The following MYO16 variants were observed in gnomAD, a reference collection of about 807,000 sequenced individuals.
The protein encoded by MYO16 is myosin XVI.
Under a neutral mutation model 205.3 loss-of-function variants are expected in MYO16, and 94 were observed. The ratio of observed to expected loss-of-function variants is 0.46; its 90% CI spans 0.39 to 0.54. The LOEUF (loss-of-function observed/expected upper bound fraction) is 0.54, where lower values mean the gene tolerates loss of function less well. Among genes scored for constraint, MYO16 ranks in the 20% least tolerant of loss-of-function variants. The pLI, the probability that MYO16 is intolerant of heterozygous loss-of-function variation, is 0.00. For missense variants in MYO16, 2,315 were observed against 2,387.5 expected (o/e 0.97, Z 0.63); for synonymous variants, 988 against 954.0 (o/e 1.04, Z -0.66).
chr13:108,679,741 T>A (rs962944163), intron 2 of MYO16, among the ~76,000 whole-genome samples: 17 of 150,230 alleles, frequency 1.1e-4, no homozygotes, highest in African/African-American at 2.9e-4. Context: ...ATAATAATAA[T>A]AAATAAAAAT....
At chr13:108,510,472 T>G in the MYO16 span, among the ~76,000 whole-genome samples, 1 of 131,502 alleles carries the variant, frequency 7.6e-6, no homozygotes, top group Non-Finnish European at 1.6e-5. Flanking sequence ...TTTTTTTTTT[T>G]TTTTTTTTTT....
chr13:109,031,996 C>G (rs764779468), intron 23 of MYO16, among the ~76,000 whole-genome samples: 2 of 152,146 alleles, frequency 1.3e-5, no homozygotes, highest in Non-Finnish European at 2.9e-5. Context: ...TGCTTTGCCT[C>G]TACTGATGTG....
intron 4 of MYO16, among the ~76,000 whole-genome samples, chr13:108,770,274 AC>A (rs1885918465): frequency 1.3e-5 from 2 of 152,328 alleles, no homozygotes; most frequent in South Asian, 4.1e-4. Context: ...AATAGTATTT[AC>A]CTTTGGAGAG....
chr13:109,066,266 A>G (rs1486630215), intron 27 of MYO16, among the ~76,000 whole-genome samples: 1 of 152,212 alleles, frequency 6.6e-6, no homozygotes, highest in Non-Finnish European at 1.5e-5. Flanking sequence ...TGGAGATGCC[A>G]ACTACTGTCA....
chr13:108,897,925 A>G, intron 14 of MYO16, 91 bp from the exon 15 acceptor site: 1 of 1,024,140 alleles, frequency 9.8e-7, no homozygotes, highest in Non-Finnish European at 1.5e-6. Flanking sequence ...TTTCAGACCA[A>G]GAAGTATTAT....
chr13:108,984,320 T>C (rs1487695214), intron 20 of MYO16, among the ~76,000 whole-genome samples: 1 of 152,138 alleles, frequency 6.6e-6, no homozygotes, highest in Non-Finnish European at 1.5e-5. Flanking sequence ...AGCTTGCCTC[T>C]CCCAGTGCAT....
chr13:108,871,084 C>T (rs1437217570), intron 12 of MYO16, among the ~76,000 whole-genome samples: 2 of 151,988 alleles, frequency 1.3e-5, no homozygotes, highest in Non-Finnish European at 2.9e-5. Flanking sequence ...AATTGCTTGG[C>T]CATATTTTAA....
chr13:108,582,367 G>T, the MYO16 span, among the ~76,000 whole-genome samples: 1 of 152,082 alleles, frequency 6.6e-6, no homozygotes, highest in East Asian at 1.9e-4. Context: ...CGTTCCATAT[G>T]ACACTCTCTC....
intron 27 of MYO16, among the ~76,000 whole-genome samples, chr13:109,068,589 A>ATTTT (rs35068937): frequency 7.6e-6 from 1 of 132,398 alleles, no homozygotes; most frequent in East Asian, 2.2e-4. Flanking sequence ...TAAGCCATGA[A>ATTTT]TTTTTTTTTT....
chr13:109,120,287 A>G (rs1475400362), intron 28 of MYO16, 83 bp from the exon 29 acceptor site: 5 of 976,014 alleles, frequency 5.1e-6, no homozygotes, highest in Non-Finnish European at 7.7e-6. Context: ...CCTCTGCTGG[A>G]AAAATATTTT....
Position 109,052,446 on chromosome 13 carries a change from G to A in MYO16, c.3019G>A (p.Glu1007Lys). The A allele has an allele frequency of 6.2e-7, 1 of 1,610,328 alleles. No homozygotes were observed. The highest frequency in any genetic ancestry group is 8.5e-7 in the Non-Finnish European group (1 of 1,177,582). The change falls in exon 25 of 35, where the codon GAA becomes AAA. Residue 1007 changes from glutamate (E) to lysine (K), a missense_variant. Physicochemically the swap from Glu to Lys is moderately conservative, Grantham distance 56. Transcript: ENST00000457511. ...AATGACAGCTTCTTCAATTATTGGA[G>A]AAAACAAGAATTATCTAGAACTTAG... ...KKMTASSIIG[E>K]NKNYLELSKL...
intron 32 of MYO16, among the ~76,000 whole-genome samples, chr13:109,155,809 A>C (rs1461801033): frequency 1.3e-5 from 2 of 151,832 alleles, no homozygotes; most frequent in Admixed American, 6.6e-5. Flanking sequence ...AGCAGTCTCC[A>C]CTCTCCTCAC....
chr13:108,921,557 C>CA (rs1364035033), intron 16 of MYO16, among the ~76,000 whole-genome samples: 1 of 152,150 alleles, frequency 6.6e-6, no homozygotes, highest in Non-Finnish European at 1.5e-5. Context: ...TAGGACATTG[C>CA]AAAAATCAAT....
intron 23 of MYO16, among the ~76,000 whole-genome samples, chr13:109,027,916 G>A (rs1886417794): frequency 6.6e-6 from 1 of 152,022 alleles, no homozygotes; most frequent in Admixed American, 6.6e-5. Context: ...TATATTCAGA[G>A]GAGAATATTG....
At chr13:108,703,927 G>A (rs2139525981) in intron 2 of MYO16, among the ~76,000 whole-genome samples, 1 of 152,272 alleles carries the variant, frequency 6.6e-6, no homozygotes, top group East Asian at 1.9e-4. Context: ...GGTCATTAAG[G>A]TGGGCTCAAA....
chr13:108,537,588 G>T, the MYO16 span, among the ~76,000 whole-genome samples: 3 of 152,068 alleles, frequency 2.0e-5, no homozygotes, highest in African/African-American at 7.2e-5. Context: ...GTTTTCCATA[G>T]AGGTTGTACT....
At chr13:108,683,552 G>A (rs1882550608) in intron 2 of MYO16, among the ~76,000 whole-genome samples, 1 of 152,154 alleles carries the variant, frequency 6.6e-6, no homozygotes, top group Admixed American at 6.5e-5. Flanking sequence ...TATCTGAGAA[G>A]CTCTAACTGG....
Position 108,750,022 on chromosome 13 carries a change from C to T in MYO16, c.507+22439C>T, listed in dbSNP as rs369427257. 3.4e-3 allele frequency among the ~76,000 whole-genome samples: 521 copies of T among 151,950 alleles called. 1 individual carries two copies. The highest frequency in any genetic ancestry group is 4.3e-3 in the Admixed American group (66 of 15,242). ...GCATATGCCATCCAAATGAAAGAAGCCAGTTTTAAAAGGCTTCTGGAAAAG... is the reference window on the plus strand; with the variant it reads ...GCATATGCCATCCAAATGAAAGAAGTCAGTTTTAAAAGGCTTCTGGAAAAG... On this transcript the variant is annotated intron_variant, in intron 4 of 34. Coordinates refer to ENST00000457511, the MANE Select transcript of MYO16 (RefSeq NM_001198950.3).
At chr13:109,169,239 C>G (rs570937665) in intron 33 of MYO16, among the ~76,000 whole-genome samples, 1 of 152,016 alleles carries the variant, frequency 6.6e-6, no homozygotes, top group East Asian at 1.9e-4. Flanking sequence ...CTTTGCATCA[C>G]AAGAGAACAA....
Sources: allele counts gnomAD v4.1 joint callset (sites outside exome capture counted in the v4.1 genomes callset), GRCh38; gene constraint gnomAD v4.1.1; transcripts MANE v1.5; gene names NCBI Gene and HGNC (gene_info 2026-07-23, HGNC 2026-07-21).